The following NSMCE2 variants were observed in gnomAD, a reference collection of about 807,000 sequenced individuals.
NSMCE2 encodes the protein NSE2 SUMO ligase component of SMC5/6 complex, also known as E3 SUMO-protein ligase NSE2.
NSMCE2 carries 24 observed loss-of-function variants against 23.8 expected under a neutral mutation model. The observed-to-expected ratio is 1.01, with a 90% CI of 0.73 to 1.42. NSMCE2 has a LOEUF of 1.42. Among genes scored for constraint, NSMCE2 ranks in the 40% most tolerant of loss-of-function variants. The probability of loss-of-function intolerance (pLI) is 0.00; values close to 1 mark genes in which losing one functional copy is unlikely to be tolerated. For missense variants in NSMCE2, 284 were observed against 296.5 expected, an observed-to-expected ratio of 0.96 and a Z score of 0.31; for synonymous variants, 92 against 94.1, an observed-to-expected ratio of 0.98 and a Z score of 0.13.
chr8:125,265,228 T>C, intron 5 of NSMCE2, among the ~76,000 whole-genome samples: 1 of 151,838 alleles, frequency 6.6e-6, no homozygotes, highest in African/African-American at 2.4e-5. Context: ...CTTTTTTTTT[T>C]TTTTCTTTTT....
chr8:125,242,438 A>G (rs1179694276), intron 5 of NSMCE2, among the ~76,000 whole-genome samples: 1 of 152,164 alleles, frequency 6.6e-6, no homozygotes, highest in African/African-American at 2.4e-5. Context: ...CTCCAGTTGT[A>G]TCACCTCTAA....
At chr8:125,280,893 T>C (rs1449471419) in intron 5 of NSMCE2, among the ~76,000 whole-genome samples, 3 of 152,182 alleles carry the variant, frequency 2.0e-5, no homozygotes, top group Non-Finnish European at 2.9e-5. Context: ...TGAATAAACA[T>C]GTTAGTAATT....
chr8:125,210,191 A>C (rs1479277985), intron 5 of NSMCE2, among the ~76,000 whole-genome samples: 2 of 152,166 alleles, frequency 1.3e-5, no homozygotes, highest in Non-Finnish European at 2.9e-5. Context: ...ACTTCAAAGG[A>C]TTGTTGTGGA....
intron 5 of NSMCE2, among the ~76,000 whole-genome samples, chr8:125,192,582 G>C (rs1358241047): frequency 1.3e-5 from 2 of 152,184 alleles, no homozygotes; most frequent in African/African-American, 4.8e-5. Context: ...GAAATGCATT[G>C]TTGGTGAACA....
At chr8:125,306,236 G>A (rs565365067) in intron 5 of NSMCE2, among the ~76,000 whole-genome samples, 149 of 152,084 alleles carry the variant, frequency 9.8e-4, no homozygotes, top group Non-Finnish European at 1.4e-3. Flanking sequence ...AGGCTGAGGC[G>A]AGAGGATGGC....
chr8:125,273,964 G>T (rs933793986), intron 5 of NSMCE2, among the ~76,000 whole-genome samples: 1 of 152,192 alleles, frequency 6.6e-6, no homozygotes, highest in Non-Finnish European at 1.5e-5. Flanking sequence ...CCTCCTCCAG[G>T]TGCCTCCTCT....
At chr8:125,364,271 T>TAAA (rs775071219) in intron 7 of NSMCE2, among the ~76,000 whole-genome samples, 7 of 152,202 alleles carry the variant, frequency 4.6e-5, no homozygotes, top group Non-Finnish European at 8.8e-5. Flanking sequence ...AAATAAATAC[T>TAAA]GTTATTAAGC....
At chr8:125,203,088 C>G (rs74854706) in intron 5 of NSMCE2, among the ~76,000 whole-genome samples, 1 of 151,856 alleles carries the variant, frequency 6.6e-6, no homozygotes, top group African/African-American at 2.4e-5. Flanking sequence ...TCACTATGTA[C>G]TCTGTGGGCC....
intron 5 of NSMCE2, among the ~76,000 whole-genome samples, chr8:125,262,096 CAAAATAAAAT>C (rs10654840): frequency 1.2e-4 from 17 of 143,016 alleles, no homozygotes; most frequent in East Asian, 4.2e-4. Context: ...GACTCTGTCT[CAAAATAAAAT>C]AAAATAAAAT....
chr8:125,116,735 T>C (rs1819023170), intron 3 of NSMCE2, among the ~76,000 whole-genome samples: 1 of 152,310 alleles, frequency 6.6e-6, no homozygotes, highest in South Asian at 2.1e-4. Flanking sequence ...CTTGCAAGGC[T>C]AGCTTTTCAG....
At chr8:125,250,991 A>G (rs1476643661) in intron 5 of NSMCE2, among the ~76,000 whole-genome samples, 1 of 152,200 alleles carries the variant, frequency 6.6e-6, no homozygotes, top group East Asian at 1.9e-4. Context: ...TTTATAAAAT[A>G]TATTTTAATT....
intron 4 of NSMCE2, among the ~76,000 whole-genome samples, chr8:125,174,180 C>G (rs188624193): frequency 6.6e-6 from 1 of 152,140 alleles, no homozygotes; most frequent in Admixed American, 6.6e-5. Flanking sequence ...CAATAATCTG[C>G]TTGATTATTT....
chr8:125,133,823 A>G, intron 3 of NSMCE2, among the ~76,000 whole-genome samples: 1 of 150,030 alleles, frequency 6.7e-6, no homozygotes, highest in Non-Finnish European at 1.5e-5. Context: ...GTGAAATCAG[A>G]AAGAGTCTCA....
chr8:125,169,068 C>G (rs1448157153), intron 4 of NSMCE2, among the ~76,000 whole-genome samples: 1 of 152,192 alleles, frequency 6.6e-6, no homozygotes, highest in Non-Finnish European at 1.5e-5. Context: ...TATTTGACCT[C>G]TCTGCTATTG....
At chr8:125,299,119 C>A (rs1250265766) in intron 5 of NSMCE2, among the ~76,000 whole-genome samples, 2 of 152,044 alleles carry the variant, frequency 1.3e-5, no homozygotes, top group Non-Finnish European at 2.9e-5. Context: ...TGAAAGTAAA[C>A]CTTTGAAGTA....
chr8:125,163,410 T>A (rs900203714), intron 4 of NSMCE2, among the ~76,000 whole-genome samples: 1 of 152,210 alleles, frequency 6.6e-6, no homozygotes, highest in Non-Finnish European at 1.5e-5. Context: ...AGTTGGTATT[T>A]GATTGATAAG....
intron 5 of NSMCE2, among the ~76,000 whole-genome samples, chr8:125,219,326 A>T (rs1824740263): frequency 6.6e-6 from 1 of 152,124 alleles, no homozygotes; most frequent in Non-Finnish European, 1.5e-5. Flanking sequence ...TACCATAAAC[A>T]CTGTGAAGAA....
chr8:125,200,118 T>C (rs1309252154), intron 5 of NSMCE2, among the ~76,000 whole-genome samples: 2 of 152,226 alleles, frequency 1.3e-5, no homozygotes, highest in African/African-American at 4.8e-5. Context: ...GGGACTTGAC[T>C]CTTTATCCAA....
At chr8:125,280,879 G>T (rs1827663323) in intron 5 of NSMCE2, among the ~76,000 whole-genome samples, 1 of 152,150 alleles carries the variant, frequency 6.6e-6, no homozygotes, top group African/African-American at 2.4e-5. Flanking sequence ...AACTATATTT[G>T]GATTGAATAA....
Sources: gnomAD v4.1 joint callset for allele counts (sites outside exome capture counted in the v4.1 genomes callset) on GRCh38, gnomAD v4.1.1 for gene constraint, MANE v1.5 for transcripts, NCBI Gene and HGNC (gene_info 2026-07-23, HGNC 2026-07-21) for gene names.